PCDHA5: variants seen among roughly 807,000 people sequenced by gnomAD.
The protein encoded by PCDHA5 is protocadherin alpha-5.
Under a neutral mutation model 61.6 loss-of-function variants are expected in PCDHA5, and 43 were observed. The observed-to-expected ratio is 0.70, with a 90% CI of 0.55 to 0.90. PCDHA5 has a LOEUF of 0.90. PCDHA5 is among the 40% of genes least tolerant of loss of function. The probability of loss-of-function intolerance (pLI) is 0.00; values close to 1 mark genes in which losing one functional copy is unlikely to be tolerated. For missense variants in PCDHA5, 1,298 were observed against 1,222.7 expected, an observed-to-expected ratio of 1.06 and a Z score of -0.92; for synonymous variants, 627 against 543.9, an observed-to-expected ratio of 1.15 and a Z score of -2.13.
chr5:140,972,056 G>A (rs995898254), intron 1 of PCDHA5, among the ~76,000 whole-genome samples: 8 of 152,106 alleles, frequency 5.3e-5, no homozygotes, highest in Non-Finnish European at 1.2e-4. Flanking sequence ...TCACCTAGTC[G>A]TATATATTAA....
intron 1 of PCDHA5, among the ~76,000 whole-genome samples, chr5:140,831,556 T>C (rs1258339149): frequency 6.8e-6 from 1 of 147,678 alleles, no homozygotes; most frequent in Non-Finnish European, 1.5e-5. Context: ...AGAGATGGGG[T>C]TTCTCCATGT....
chr5:140,917,328 GGA>G lies in PCDHA5; in HGVS notation c.2353-61619_2353-61618del, dbSNP rs371938358. On this transcript the variant is annotated intron_variant, in intron 1 of 3. Transcript: ENST00000529859. ...TACAATTTGGTGTTCATGTGGCGGGGGAGGGGGGGGATGGTGTAGGCTTCTGT... is the reference window on the plus strand; with the variant it reads ...TACAATTTGGTGTTCATGTGGCGGGGGGGGGGGGATGGTGTAGGCTTCTGT... 4.7e-4 allele frequency among the ~76,000 whole-genome samples: 70 copies of G among 148,990 alleles called. 3 individuals are homozygous for G. Among genetic ancestry groups the G allele is most frequent in the African/African-American group, 1.3e-3 (53 of 40,184 alleles).
chr5:140,930,412 G>T (rs1327423423), intron 1 of PCDHA5: 1 of 148,866 alleles, frequency 6.7e-6, no homozygotes, highest in Non-Finnish European at 1.5e-5. Context: ...TTTTGAGACA[G>T]GGGTCTCACT....
chr5:140,903,014 A>G (rs551984849), intron 1 of PCDHA5, among the ~76,000 whole-genome samples: 1 of 152,322 alleles, frequency 6.6e-6, no homozygotes, highest in African/African-American at 2.4e-5. Context: ...TTGTGCTGCT[A>G]TCAACATGGC....
chr5:140,926,783 C>G lies in PCDHA5; in HGVS notation c.2353-52166C>G, dbSNP rs1230665699. 5.0e-6 allele frequency: 7 copies of G among 1,410,188 alleles called. No homozygotes were observed. The African/African-American group carries it at 7.3e-5, about 15-fold the overall frequency. The allele number at this position is 1,410,188 out of a possible 1,614,324, so 87.4% of individuals were successfully genotyped here. On this transcript the variant is annotated intron_variant, in intron 1 of 3. Transcript: ENST00000529859. The stretch of plus-strand genomic sequence containing the variant: ...GTATCCAGCCCGCAGCAGTGACGGC[C>G]GGCAGGAGCGTGCTCTTCCCCGCGG...
At chr5:140,927,899 A>G (rs1554205221) in intron 1 of PCDHA5, 2 of 1,614,194 alleles carry the variant, frequency 1.2e-6, no homozygotes, top group Admixed American at 1.7e-5. Context: ...GTGAACGATC[A>G]TGCCCCCGAA....
Position 140,988,156 on chromosome 5 carries a change from C to T in PCDHA5, c.2500+5593C>T, listed in dbSNP as rs546335543. Among the ~76,000 whole-genome samples, 7 of 152,172 alleles carry T rather than the reference C, an allele frequency of 4.6e-5. No individual in the cohort carries two copies. The South Asian group carries it at 1.5e-3, about 32-fold the overall frequency. On this transcript the variant is annotated intron_variant, in intron 3 of 3. Coordinates refer to ENST00000529859, the MANE Select transcript of PCDHA5 (RefSeq NM_018908.3). ...TAACCTGTTCAACCTCAACTTCTGCCGTTGTCATAGCAATGACAGTCCTGG... is the reference window on the plus strand; with the variant it reads ...TAACCTGTTCAACCTCAACTTCTGCTGTTGTCATAGCAATGACAGTCCTGG...
At chr5:140,918,940 A>G (rs541337613) in intron 1 of PCDHA5, among the ~76,000 whole-genome samples, 1 of 152,212 alleles carries the variant, frequency 6.6e-6, no homozygotes, top group Non-Finnish European at 1.5e-5. Context: ...TTTTGTTATA[A>G]TATCCTGAAC....
At chr5:140,980,835 T>A (rs2096907301) in intron 2 of PCDHA5, among the ~76,000 whole-genome samples, 1 of 152,220 alleles carries the variant, frequency 6.6e-6, no homozygotes, top group South Asian at 2.1e-4. Flanking sequence ...GTTGTGAACC[T>A]AAATAATACT....
chr5:140,958,242 T>A (rs1375619471), intron 1 of PCDHA5, among the ~76,000 whole-genome samples: 1 of 152,120 alleles, frequency 6.6e-6, no homozygotes, highest in Non-Finnish European at 1.5e-5. Context: ...TTTTTAACAA[T>A]TCTGAACAAA....
chr5:140,896,854 C>T (rs1211925701), intron 1 of PCDHA5, among the ~76,000 whole-genome samples: 4 of 152,004 alleles, frequency 2.6e-5, no homozygotes, highest in Non-Finnish European at 5.9e-5. Context: ...TTTATGGGTA[C>T]ATAATAAGTG....
chr5:140,978,685 CA>C (rs1426574040), intron 1 of PCDHA5, among the ~76,000 whole-genome samples: 2 of 152,242 alleles, frequency 1.3e-5, no homozygotes, highest in African/African-American at 2.4e-5. Context: ...ATGTATTGGG[CA>C]AGGCAAAGCC....
intron 1 of PCDHA5, chr5:140,928,748 G>T (rs191251073): frequency 6.2e-7 from 1 of 1,614,114 alleles, no homozygotes; most frequent in Admixed American, 1.7e-5. Flanking sequence ...GGTGAGCTCC[G>T]TACTGCTCGC....
In PCDHA5 at chr5:140,857,385, A is replaced by T. The variant is rs1300471931; in HGVS notation, c.2352+33258A>T. On this transcript the variant is annotated intron_variant, in intron 1 of 3. Coordinates refer to ENST00000529859, the MANE Select transcript of PCDHA5 (RefSeq NM_018908.3). ...GCCAGCGTGTCTGTGGAGGTGGCCG[A>T]CGTGAACGACAACGCGCCTGCGTTC... The T allele has an allele frequency of 1.8e-5, 29 of 1,598,230 alleles. 2 individuals carry two copies. Among genetic ancestry groups the T allele is most frequent in the Non-Finnish European group, 2.3e-5 (27 of 1,167,886 alleles).
Position 140,824,120 on chromosome 5 carries a change from C to G in PCDHA5, c.2345C>G (p.Thr782Arg). Residue 782 changes from threonine (T) to arginine (R), a missense_variant, in exon 1 of 4, where the codon ACA becomes AGA. Coordinates refer to ENST00000529859, the MANE Select transcript of PCDHA5 (RefSeq NM_018908.3). The stretch of plus-strand genomic sequence containing the variant: ...AGCCTTCCTCAGGGTCCCACCTCTA[C>G]AGACAACGTGAGTTTTCTAATATTA... ...SPSLPQGPTS[T>R]DNPRQPNPDW... is the part of the protein sequence containing the mutation. 6.2e-7 allele frequency: 1 copy of G among 1,613,896 alleles called. No homozygotes were observed. Among genetic ancestry groups the G allele is most frequent in the Non-Finnish European group, 8.5e-7 (1 of 1,179,750 alleles).
chr5:140,877,118 T>C, intron 1 of PCDHA5: 1 of 1,613,690 alleles, frequency 6.2e-7, no homozygotes, highest in South Asian at 1.1e-5. Flanking sequence ...GGCAGCAACG[T>C]GACGCTGCAG....
chr5:141,002,806 G>T (rs1341419225), intron 3 of PCDHA5, among the ~76,000 whole-genome samples: 1 of 152,162 alleles, frequency 6.6e-6, no homozygotes, highest in Non-Finnish European at 1.5e-5. Context: ...GGAAACTGAG[G>T]CTCAGAGATA....
chr5:140,853,607 T>C, intron 1 of PCDHA5: 1 of 987,062 alleles, frequency 1.0e-6, no homozygotes, highest in Non-Finnish European at 1.2e-6. Context: ...GCAAAGGGGG[T>C]GCTGTAAATA....
intron 1 of PCDHA5, among the ~76,000 whole-genome samples, chr5:140,935,834 C>G (rs1037488504): frequency 1.3e-5 from 2 of 151,624 alleles, no homozygotes; most frequent in African/African-American, 2.4e-5. Flanking sequence ...ACACATATTC[C>G]ATACTGCTTA....
Sources: gnomAD v4.1 joint callset for allele counts (sites outside exome capture counted in the v4.1 genomes callset) on GRCh38, gnomAD v4.1.1 for gene constraint, MANE v1.5 for transcripts, NCBI Gene and HGNC (gene_info 2026-07-23, HGNC 2026-07-21) for gene names.